The following PCDHGA1 variants were observed in gnomAD, a reference collection of about 807,000 sequenced individuals.
PCDHGA1 encodes the protein protocadherin gamma-A1.
PCDHGA1 carries 32 observed loss-of-function variants against 58.0 expected under a neutral mutation model. The observed-to-expected ratio is 0.55, with a 90% CI of 0.42 to 0.74. The LOEUF (loss-of-function observed/expected upper bound fraction) is 0.74, where lower values mean the gene tolerates loss of function less well. Among genes scored for constraint, PCDHGA1 ranks in the 30% least tolerant of loss-of-function variants. The probability of loss-of-function intolerance (pLI) is 0.00; values close to 1 mark genes in which losing one functional copy is unlikely to be tolerated. For missense variants in PCDHGA1, 1,205 were observed against 1,182.3 expected, an observed-to-expected ratio of 1.02 and a Z score of -0.28; for synonymous variants, 498 against 501.1, an observed-to-expected ratio of 0.99 and a Z score of 0.08.
At chr5:141,353,788 C>T (rs1002916622) in intron 1 of PCDHGA1, among the ~76,000 whole-genome samples, 1 of 152,172 alleles carries the variant, frequency 6.6e-6, no homozygotes, top group Non-Finnish European at 1.5e-5. Flanking sequence ...AAATTTATTT[C>T]CAAACATCTT....
Position 141,489,948 on chromosome 5 carries a change from T to G in PCDHGA1, c.2422-4859T>G. The G allele has an allele frequency of 6.2e-7, 1 of 1,614,210 alleles. No homozygotes were observed. Among genetic ancestry groups the G allele is most frequent in the Non-Finnish European group, 8.5e-7 (1 of 1,180,030 alleles). ...TCTCTGTCATCGTGCTGGACATCAA[T>G]GATAATGCTCCAACCTTCCAATCCT... On this transcript the variant is annotated intron_variant, in intron 1 of 3. Transcript: ENST00000517417. The surrounding 1 kb of genome is among the most constrained non-coding windows in gnomAD (Gnocchi z 4.5).
At chr5:141,457,607 T>C (rs578113551) in intron 1 of PCDHGA1, among the ~76,000 whole-genome samples, 2 of 152,360 alleles carry the variant, frequency 1.3e-5, no homozygotes, top group African/African-American at 4.8e-5. Context: ...AAACTAATTA[T>C]GAATGAACTT....
At chr5:141,413,374 G>A (rs528233301) in intron 1 of PCDHGA1, 1 of 1,613,946 alleles carries the variant, frequency 6.2e-7, no homozygotes, top group East Asian at 2.2e-5. Context: ...GGCGGAGCGC[G>A]GAGTCCGCAT....
At chr5:141,457,573 C>T (rs934685938) in intron 1 of PCDHGA1, among the ~76,000 whole-genome samples, 3 of 152,206 alleles carry the variant, frequency 2.0e-5, no homozygotes, top group Non-Finnish European at 4.4e-5. Flanking sequence ...CAAAATTTTT[C>T]TCTCCAGTCC....
Position 141,332,466 on chromosome 5 carries a change from G to T in PCDHGA1, c.1782G>T (p.Val594=). 1 of 1,613,664 alleles carries T rather than the reference G, an allele frequency of 6.2e-7. No homozygotes were observed. Among genetic ancestry groups the T allele is most frequent in the South Asian group, 1.1e-5 (1 of 91,054 alleles). Residue 594 remains valine, a synonymous_variant, in exon 1 of 4, where the codon GTG becomes GTT. Coordinates refer to ENST00000517417, the MANE Select transcript of PCDHGA1 (RefSeq NM_018912.3). The surrounding 1 kb of genome is among the most constrained non-coding windows in gnomAD (Gnocchi z 4.6). ...PGYLVTKVVA[V]DRDSGQNAWL... ...ACCTGGTGACCAAGGTGGTGGCGGT[G>T]GACAGAGACTCGGGCCAGAACGCCT... is the stretch of plus-strand genomic sequence containing the variant.
At chr5:141,341,267 A>C in intron 1 of PCDHGA1, 1 of 1,614,196 alleles carries the variant, frequency 6.2e-7, no homozygotes, top group Non-Finnish European at 8.5e-7. Context: ...CTCGCGGAAG[A>C]GCCACCTGAT....
At position 141,432,204 on chromosome 5, in the gene PCDHGA1, A is replaced by G. The variant is rs1204867610; in HGVS notation, c.2422-62603A>G. On this transcript the variant is annotated intron_variant, in intron 1 of 3. Coordinates refer to ENST00000517417, the MANE Select transcript of PCDHGA1 (RefSeq NM_018912.3). This position sits in a 1 kb window ranked among gnomAD's most constrained non-coding sequence, Gnocchi z 6.0. ...GTGACCGCCCACGACCCCGACTGTG[A>G]AGAGAACGCCCAGATCACTTATTCC... 1.9e-6 allele frequency: 3 copies of G among 1,614,070 alleles called. No homozygotes were observed. Among genetic ancestry groups the G allele is most frequent in the African/African-American group, 2.7e-5 (2 of 74,928 alleles).
chr5:141,495,603 C>T (rs2099762369), intron 2 of PCDHGA1, among the ~76,000 whole-genome samples: 1 of 152,238 alleles, frequency 6.6e-6, no homozygotes, highest in Non-Finnish European at 1.5e-5. Flanking sequence ...TAGCTTCCGT[C>T]TTGATTGCTG....
chr5:141,428,067 G>GC, intron 1 of PCDHGA1: 2 of 1,609,228 alleles, frequency 1.2e-6, no homozygotes, highest in Non-Finnish European at 1.7e-6. Context: ...GGTGGACGCA[G>GC]ATTCGGGACA....
chr5:141,372,593 CA>C, intron 1 of PCDHGA1: 1 of 1,614,030 alleles, frequency 6.2e-7, no homozygotes, highest in South Asian at 1.1e-5. Flanking sequence ...GTGTCTGCTT[CA>C]AGACTGTACC....
intron 1 of PCDHGA1, chr5:141,392,660 C>A: frequency 1.3e-6 from 1 of 797,246 alleles, no homozygotes; most frequent in Non-Finnish European, 1.9e-6. Flanking sequence ...GCAGATGCCA[C>A]AAACTAACTG....
intron 1 of PCDHGA1, chr5:141,372,188 G>C: frequency 6.2e-7 from 1 of 1,613,564 alleles, no homozygotes; most frequent in Non-Finnish European, 8.5e-7. Context: ...ACGCAGACTC[G>C]GGATACAACG....
At chr5:141,459,703 T>G (rs2098973426) in intron 1 of PCDHGA1, among the ~76,000 whole-genome samples, 1 of 152,226 alleles carries the variant, frequency 6.6e-6, no homozygotes, top group African/African-American at 2.4e-5. Context: ...CTTGCTACAT[T>G]TTCTCACCAA....
chr5:141,438,651 CAT>C (rs2098045358), intron 1 of PCDHGA1, among the ~76,000 whole-genome samples: 1 of 83,744 alleles, frequency 1.2e-5, no homozygotes, highest in East Asian at 3.2e-4. Context: ...CACACACACA[CAT>C]ATATGTATAT....
At position 141,343,780 on chromosome 5, in the gene PCDHGA1, T is replaced by TGTCGC. The variant is rs551432599; in HGVS notation, c.2421+10676_2421+10680dup. 240 of 415,038 alleles carry TGTCGC rather than the reference T, an allele frequency of 5.8e-4. 1 individual carries two copies. The highest frequency in any genetic ancestry group is 4.5e-3 in the African/African-American group (218 of 48,848). 25.7% of individuals were successfully genotyped at this position (415,038 alleles called of 1,614,324 possible). ...TGCAGTAAACGGTTAGGCCTCTTAG[T>TGTCGC]GTCGCTGTTGACCACTCAAGAAGGA... is the stretch of plus-strand genomic sequence containing the variant. On this transcript the variant is annotated intron_variant, in intron 1 of 3. Coordinates refer to ENST00000517417, the MANE Select transcript of PCDHGA1 (RefSeq NM_018912.3).
At chr5:141,394,684 G>C in intron 1 of PCDHGA1, 1 of 1,612,090 alleles carries the variant, frequency 6.2e-7, no homozygotes, top group South Asian at 1.1e-5. Flanking sequence ...CTGCACACGG[G>C]CGAGGTGCGC....
At chr5:141,488,331 T>C (rs535498873) in intron 1 of PCDHGA1, among the ~76,000 whole-genome samples, 22 of 152,218 alleles carry the variant, frequency 1.4e-4, no homozygotes, top group Non-Finnish European at 3.1e-4. Context: ...TACAGTTGGC[T>C]GATTCATAGA....
At chr5:141,372,414 G>C (rs1290805149) in intron 1 of PCDHGA1, 1 of 1,613,910 alleles carries the variant, frequency 6.2e-7, no homozygotes, top group African/African-American at 1.3e-5. Flanking sequence ...GATACAACCT[G>C]ACCTTAGCGA....
intron 1 of PCDHGA1, chr5:141,419,253 A>C (rs1590154657): frequency 6.2e-7 from 1 of 1,613,990 alleles, no homozygotes; most frequent in South Asian, 1.1e-5. Context: ...CCAGAAAACA[A>C]CCAGCCGGGT....
Sources: allele counts gnomAD v4.1 joint callset (sites outside exome capture counted in the v4.1 genomes callset), GRCh38; gene constraint gnomAD v4.1.1; non-coding constraint Gnocchi (gnomAD v3.1); transcripts MANE v1.5; gene names NCBI Gene and HGNC (gene_info 2026-07-23, HGNC 2026-07-21).